The following DOCK4 variants were observed in gnomAD, a reference collection of about 807,000 sequenced individuals.
DOCK4 encodes dedicator of cytokinesis protein 4.
DOCK4 carries 97 observed loss-of-function variants against 268.1 expected under a neutral mutation model. That is an observed-to-expected ratio of 0.36 (90% CI 0.31 to 0.43). DOCK4 has a LOEUF of 0.43. DOCK4 is among the 20% of genes least tolerant of loss of function. The pLI is 1.00. For missense variants in DOCK4, 2,145 were observed against 2,455.7 expected, an observed-to-expected ratio of 0.87 and a Z score of 2.67; for synonymous variants, 954 against 887.2, an observed-to-expected ratio of 1.08 and a Z score of -1.34.
intron 1 of DOCK4, among the ~76,000 whole-genome samples, chr7:112,022,313 T>G (rs1802392079): frequency 6.6e-6 from 1 of 152,258 alleles, no homozygotes; most frequent in Non-Finnish European, 1.5e-5. Context: ...TATTCTTATC[T>G]GTATTTTATA....
chr7:112,167,077 A>G (rs952983702), intron 1 of DOCK4, among the ~76,000 whole-genome samples: 10 of 152,224 alleles, frequency 6.6e-5, no homozygotes, highest in African/African-American at 2.4e-4. Flanking sequence ...TCTCAACTAC[A>G]AAAGAATTCA....
At chr7:112,050,114 A>T (rs1414040356) in intron 1 of DOCK4, among the ~76,000 whole-genome samples, 1 of 152,138 alleles carries the variant, frequency 6.6e-6, no homozygotes, top group Non-Finnish European at 1.5e-5. Context: ...CTCTCCTTTT[A>T]TTTGTCACTG....
intron 1 of DOCK4, among the ~76,000 whole-genome samples, chr7:112,060,678 T>A (rs114834318): frequency 1.4e-3 from 217 of 152,324 alleles, no homozygotes; most frequent in African/African-American, 5.1e-3. Context: ...ACAACATGGA[T>A]GAACCTTGAG....
intron 1 of DOCK4, among the ~76,000 whole-genome samples, chr7:112,068,913 A>G (rs998547305): frequency 6.6e-6 from 1 of 152,216 alleles, no homozygotes; most frequent in Admixed American, 6.5e-5. Context: ...ACATGAAAAT[A>G]ACCAGCTGAA....
intron 39 of DOCK4, among the ~76,000 whole-genome samples, chr7:111,760,599 C>A (rs954044754): frequency 6.6e-6 from 1 of 151,974 alleles, no homozygotes; most frequent in Non-Finnish European, 1.5e-5. Flanking sequence ...TCTCAGAGCA[C>A]CAAAGTATGA....
rs117903951 is a variant in DOCK4, at chr7:112,100,539, T to C, written c.38-96408A>G. On this transcript the variant is annotated intron_variant, in intron 1 of 52. Coordinates refer to ENST00000428084, the MANE Select transcript of DOCK4 (RefSeq NM_001363540.2). Reference sequence around the variant, plus strand: ...CTTAAGATTCGGCCCAAGGGCCCCATTCTTAGCACCACATCTACGAGAAAG... The same window carrying C: ...CTTAAGATTCGGCCCAAGGGCCCCACTCTTAGCACCACATCTACGAGAAAG... 9.1e-3 allele frequency among the ~76,000 whole-genome samples: 1,393 copies of C among 152,370 alleles called. 18 individuals are homozygous for C. The highest frequency in any genetic ancestry group is 0.013 in the Non-Finnish European group (855 of 68,036).
chr7:111,982,259 C>T (rs572783042), intron 7 of DOCK4, among the ~76,000 whole-genome samples: 3 of 152,332 alleles, frequency 2.0e-5, no homozygotes, highest in African/African-American at 7.2e-5. Flanking sequence ...AGGATCTTTT[C>T]ATACCATAAA....
intron 25 of DOCK4, among the ~76,000 whole-genome samples, chr7:111,839,312 A>G (rs1803483273): frequency 1.3e-5 from 2 of 152,216 alleles, no homozygotes; most frequent in Admixed American, 1.3e-4. Flanking sequence ...AGTTAGTAGA[A>G]ATCCATTCAT....
At chr7:112,087,791 T>A (rs1174147672) in intron 1 of DOCK4, among the ~76,000 whole-genome samples, 9 of 152,084 alleles carry the variant, frequency 5.9e-5, no homozygotes, top group Admixed American at 5.9e-4. Context: ...TAGACCATCA[T>A]ATTAACATTG....
At position 111,767,117 on chromosome 7, in the gene DOCK4, C is replaced by T. The variant is rs1416243819; in HGVS notation, c.3830G>A (p.Cys1277Tyr). The T allele has an allele frequency of 6.2e-7, 1 of 1,612,734 alleles. No individual in the cohort carries two copies. Among genetic ancestry groups the T allele is most frequent in the East Asian group, 2.2e-5 (1 of 44,856 alleles). ...TIIQNFDRGK[C>Y]WENGIILCRK... ...GCACAAGATAATGCCATTCTCCCAA[C>T]ACTGTGGACAAATGAATGAGATCAA... Residue 1277 changes from cysteine (C) to tyrosine (Y), a missense_variant and splice_region_variant, in exon 38 of 53, where the codon TGT (cysteine) becomes TAT (tyrosine). Transcript: ENST00000428084.
intron 1 of DOCK4, among the ~76,000 whole-genome samples, chr7:112,075,393 TGCCAC>T (rs1263519168): frequency 1.4e-4 from 21 of 152,304 alleles, no homozygotes; most frequent in South Asian, 6.2e-4. Flanking sequence ...CTTTGGATGG[TGCCAC>T]ACTGATGGTA....
At chr7:111,742,352 G>C (rs145018735) in intron 44 of DOCK4, among the ~76,000 whole-genome samples, 1,873 of 152,290 alleles carry the variant, frequency 0.012, 49 homozygotes, top group African/African-American at 0.043. Context: ...ACTTGGTTCT[G>C]ATTTCAGACT....
chr7:111,929,275 C>T (rs1338783519), intron 12 of DOCK4, among the ~76,000 whole-genome samples: 1 of 151,816 alleles, frequency 6.6e-6, no homozygotes, highest in East Asian at 1.9e-4. Context: ...TATGCACACA[C>T]ATACATATAT....
At chr7:111,988,373 C>T (rs757747453) in intron 6 of DOCK4, among the ~76,000 whole-genome samples, 6 of 152,170 alleles carry the variant, frequency 3.9e-5, no homozygotes, top group Non-Finnish European at 5.9e-5. Context: ...ATATCAGCCT[C>T]GGTCAGAGCT....
chr7:111,735,582 G>C (rs1376167639), intron 50 of DOCK4, among the ~76,000 whole-genome samples: 1 of 152,134 alleles, frequency 6.6e-6, no homozygotes, highest in Non-Finnish European at 1.5e-5. Context: ...TTAACTATTT[G>C]GCAGAATTCT....
chr7:112,015,880 T>G (rs1468776891), intron 1 of DOCK4, among the ~76,000 whole-genome samples: 1 of 152,186 alleles, frequency 6.6e-6, no homozygotes, highest in Non-Finnish European at 1.5e-5. Context: ...ACGAAGAACA[T>G]GAGTGTAAAC....
intron 8 of DOCK4, among the ~76,000 whole-genome samples, chr7:111,974,329 T>C (rs1797964703): frequency 6.6e-6 from 1 of 151,988 alleles, no homozygotes; most frequent in Admixed American, 6.6e-5. Flanking sequence ...AGTAAGCATA[T>C]ATTGTGATAC....
At position 112,066,465 on chromosome 7, in the gene DOCK4, T is replaced by A. The variant is rs375266822; in HGVS notation, c.38-62334A>T. Among the ~76,000 whole-genome samples, 3 of 148,976 alleles carry A rather than the reference T, an allele frequency of 2.0e-5. No individual in the cohort carries two copies. The East Asian group carries it at 6.0e-4, about 30-fold the overall frequency. On this transcript the variant is annotated intron_variant, in intron 1 of 52. Transcript: ENST00000428084. ...TGCATAAGCCAATTGCCCTAATAAA[T>A]CCCCTCTCATATAGCATGCTTTCTC...
In DOCK4 at chr7:112,065,218, C is replaced by T. The variant is rs142152407; in HGVS notation, c.38-61087G>A. Among the ~76,000 whole-genome samples, 813 of 152,184 alleles carry T rather than the reference C, an allele frequency of 5.3e-3. 7 individuals carry two copies. The highest frequency in any genetic ancestry group is 0.018 in the African/African-American group (767 of 41,514). Reference sequence around the variant, plus strand: ...CCTCTCTAACCACATTCCAGACTCACTGCTACCTCAATCCCTGACACAAGC... The same window carrying T: ...CCTCTCTAACCACATTCCAGACTCATTGCTACCTCAATCCCTGACACAAGC... On this transcript the variant is annotated intron_variant, in intron 1 of 52. Transcript: ENST00000428084.
Sources: allele counts gnomAD v4.1 joint callset (sites outside exome capture counted in the v4.1 genomes callset), GRCh38; gene constraint gnomAD v4.1.1; transcripts MANE v1.5; gene names NCBI Gene and HGNC (gene_info 2026-07-23, HGNC 2026-07-21).